The following DMD variants were observed in gnomAD, a reference collection of about 807,000 sequenced individuals.
DMD encodes mutant dystrophin.
Under a neutral mutation model 330.1 loss-of-function variants are expected in DMD, and 63 were observed. The ratio of observed to expected loss-of-function variants is 0.19; its 90% CI spans 0.16 to 0.24. The LOEUF (loss-of-function observed/expected upper bound fraction) is 0.24, where lower values mean the gene tolerates loss of function less well. DMD is among the 10% of genes least tolerant of loss of function. The pLI, the probability that DMD is intolerant of heterozygous loss-of-function variation, is 1.00. For missense variants in DMD, 3,344 were observed against 2,684.1 expected (o/e 1.25, Z -5.43); for synonymous variants, 1,223 against 959.8 (o/e 1.27, Z -5.07).
intron 51 of DMD, among the ~76,000 whole-genome samples, chrX:31,731,905 C>T (rs189526370): frequency 9.0e-6 from 1 of 111,431 alleles, no homozygotes; most frequent in Admixed American, 9.5e-5. Flanking sequence ...TAATCTGAAC[C>T]TTACCAGGCT....
chrX:32,914,632 A>T (rs1026491469), intron 2 of DMD, among the ~76,000 whole-genome samples: 3 of 112,168 alleles, frequency 2.7e-5, no homozygotes, highest in African/African-American at 9.7e-5. Context: ...AAAATAACAC[A>T]ATAAACGAAA....
chrX:32,713,810 A>G (rs947954658), intron 7 of DMD, among the ~76,000 whole-genome samples: 6 of 111,715 alleles, frequency 5.4e-5, no homozygotes, highest in Admixed American at 2.9e-4. Context: ...GACTTATGAC[A>G]GGGTTACATT....
chrX:32,295,250 T>C (rs986045343), intron 42 of DMD, among the ~76,000 whole-genome samples: 1 of 112,069 alleles, frequency 8.9e-6, no homozygotes, highest in East Asian at 2.8e-4. Flanking sequence ...CTCGAGTCCT[T>C]AATATTTTAA....
At chrX:32,437,166 T>G (rs1186294858) in intron 29 of DMD, among the ~76,000 whole-genome samples, 1 of 112,033 alleles carries the variant, frequency 8.9e-6, no homozygotes, top group Admixed American at 9.5e-5. Context: ...CCAGCAATAG[T>G]GCAACAATGA....
intron 7 of DMD, among the ~76,000 whole-genome samples, chrX:32,800,837 A>T (rs1239809076): frequency 9.0e-6 from 1 of 110,958 alleles, no homozygotes; most frequent in African/African-American, 3.3e-5. Context: ...GCTGAGAATG[A>T]TGTTTTCCAG....
intron 1 of DMD, among the ~76,000 whole-genome samples, chrX:33,070,639 A>ATCTCTCTCTCTC (rs1291687487): frequency 7.0e-4 from 15 of 21,391 alleles, no homozygotes; most frequent in East Asian, 1.5e-3. Context: ...GTATCTATCC[A>ATCTCTCTCTCTC]TCTCTCTCTC....
At chrX:33,227,530 C>T (rs901023960) in intron 1 of DMD, among the ~76,000 whole-genome samples, 8 of 110,705 alleles carry the variant, frequency 7.2e-5, no homozygotes, top group African/African-American at 2.3e-4. Flanking sequence ...GCATATTTTT[C>T]GAGCACGTGA....
intron 60 of DMD, among the ~76,000 whole-genome samples, chrX:31,423,644 A>C (rs1275014459): frequency 8.9e-6 from 1 of 111,932 alleles, no homozygotes. Flanking sequence ...TACAGCTTAG[A>C]GATGAATCAT....
At chrX:32,883,977 T>G (rs1368455696) in intron 2 of DMD, among the ~76,000 whole-genome samples, 3 of 110,103 alleles carry the variant, frequency 2.7e-5, no homozygotes, top group Admixed American at 9.8e-5. Flanking sequence ...ACATATCTAA[T>G]AAAGACAGAA....
chrX:31,707,069 T>TA (rs1911229348), intron 52 of DMD, among the ~76,000 whole-genome samples: 1 of 111,130 alleles, frequency 9.0e-6, no homozygotes, highest in Admixed American at 9.6e-5. Context: ...TGTTTTTTTT[T>TA]AAATCTTTTT....
rs1435885583 is a variant in DMD at position 32,412,125 on chromosome X, G to A, written c.4072-212C>T. On this transcript the variant is annotated intron_variant, in intron 29 of 78. Coordinates refer to ENST00000357033, the MANE Select transcript of DMD (RefSeq NM_004006.3). The stretch of plus-strand genomic sequence containing the variant: ...ATAGCAAACAAAACTATAGGATCAG[G>A]GATCTCTGCATGAAAATCAATCACA... The A allele has an allele frequency of 5.2e-6, 6 of 1,153,182 alleles. No individual in the cohort carries two copies. The African/African-American group carries it at 5.4e-5, about 10-fold the overall frequency.
At chrX:32,051,306 A>T (rs1476617491) in intron 44 of DMD, among the ~76,000 whole-genome samples, 1 of 110,428 alleles carries the variant, frequency 9.1e-6, no homozygotes, top group Non-Finnish European at 1.9e-5. Context: ...ATAACCCCAT[A>T]ATTTATAAAT....
chrX:31,809,305 C>T (rs1449327002), intron 50 of DMD, among the ~76,000 whole-genome samples: 1 of 107,234 alleles, frequency 9.3e-6, no homozygotes, highest in Non-Finnish European at 1.9e-5. Context: ...AAACTATATA[C>T]AGTTATATGT....
chrX:32,021,855 A>G (rs896362003), intron 44 of DMD, among the ~76,000 whole-genome samples: 2 of 111,829 alleles, frequency 1.8e-5, no homozygotes, highest in African/African-American at 6.5e-5. Flanking sequence ...TTTCCATTGG[A>G]CAACACCACT....
chrX:31,763,126 A>C (rs1603461724), intron 51 of DMD, among the ~76,000 whole-genome samples: 1 of 112,958 alleles, frequency 8.9e-6, no homozygotes, highest in African/African-American at 3.2e-5. Context: ...ATTTATTTCG[A>C]GGACCAGAAA....
intron 52 of DMD, among the ~76,000 whole-genome samples, chrX:31,708,990 G>T (rs976642386): frequency 8.9e-6 from 1 of 111,867 alleles, no homozygotes; most frequent in African/African-American, 3.2e-5. Flanking sequence ...GAGTAAAATC[G>T]GCTGGGCGTG....
intron 7 of DMD, among the ~76,000 whole-genome samples, chrX:32,753,784 C>T (rs967281323): frequency 4.5e-5 from 5 of 111,682 alleles, no homozygotes; most frequent in African/African-American, 1.3e-4. Flanking sequence ...TCTGTACTTG[C>T]GTCTACATGT....
chrX:32,314,759 T>A (rs762625546), intron 41 of DMD, among the ~76,000 whole-genome samples: 5 of 111,709 alleles, frequency 4.5e-5, no homozygotes, highest in African/African-American at 1.6e-4. Flanking sequence ...AAAGAAGACA[T>A]TTACGCGGCC....
chrX:31,861,944 T>C (rs868730678), intron 48 of DMD, among the ~76,000 whole-genome samples: 1 of 33,982 alleles, frequency 2.9e-5, no homozygotes, highest in Non-Finnish European at 4.8e-5. Flanking sequence ...TAGAAAATAA[T>C]ATACACACAC....
Sources: allele counts gnomAD v4.1 joint callset (sites outside exome capture counted in the v4.1 genomes callset), GRCh38; gene constraint gnomAD v4.1.1; transcripts MANE v1.5; gene names NCBI Gene and HGNC (gene_info 2026-07-23, HGNC 2026-07-21).